Variants in TPSG1 observed in about 807,000 individuals in gnomAD.
TPSG1 encodes the protein tryptase gamma 1.
Under a neutral mutation model 23.8 loss-of-function variants are expected in TPSG1, and 43 were observed. The ratio of observed to expected loss-of-function variants is 1.81; its 90% CI spans 1.42 to 2.33. The LOEUF is 2.33. Ranked by LOEUF, TPSG1 falls within the 30% of genes most tolerant of loss-of-function variation. The probability of loss-of-function intolerance (pLI) is 0.00; values close to 1 mark genes in which losing one functional copy is unlikely to be tolerated. For missense variants in TPSG1, 623 were observed against 438.6 expected (o/e 1.42, Z -3.75); for synonymous variants, 302 against 201.3 (o/e 1.50, Z -4.23).
chr16:1,222,489 G>T, intron 4 of TPSG1, 148 bp from the exon 5 acceptor site: 1 of 1,267,422 alleles, frequency 7.9e-7, no homozygotes, highest in Non-Finnish European at 1.1e-6. Flanking sequence ...CTGCTGCTTT[G>T]GATCCACACG....
rs376240221 is a variant in TPSG1, at chr16:1,225,216, C to T, written c.37G>A (p.Ala13Thr). The part of the protein sequence containing the change: ...LGACGLLLLL[A>T]VPGVSLRTLQ... ...AGGCCAGGTCACCCACCGGGCACAG[C>T]CAGGAGCAGCAGGAGGCCACAGGCC... The change falls in exon 1 of 6, where the codon GCT becomes ACT. Residue 13 changes from alanine (A) to threonine (T), a missense_variant. Ala to Thr is a moderately conservative substitution (Grantham distance 58). Transcript: ENST00000234798. 6.3e-7 allele frequency: 1 copy of T among 1,578,548 alleles called. No individual in the cohort carries two copies. Among genetic ancestry groups the T allele is most frequent in the Non-Finnish European group, 8.6e-7 (1 of 1,162,540 alleles).
At chr16:1,223,667 C>G (rs965129833) in intron 2 of TPSG1, 73 bp from the exon 3 acceptor site, 1 of 1,473,124 alleles carries the variant, frequency 6.8e-7, no homozygotes, top group Non-Finnish European at 9.0e-7. Context: ...TGAAGCCTTC[C>G]CTGACCACAC....
rs1004449397 is a variant in TPSG1 at position 1,221,655 on chromosome 16, T to G, written c.*133A>C. The G allele has an allele frequency of 7.9e-6, 8 of 1,008,066 alleles. No homozygotes were observed. The highest frequency in any genetic ancestry group is 1.6e-5 in the African/African-American group (1 of 61,318). The allele number at this position is 1,008,066 out of a possible 1,614,324, so 62.4% of individuals were successfully genotyped here. On this transcript the variant is annotated 3_prime_UTR_variant, in exon 6 of 6. Coordinates refer to ENST00000234798, the MANE Select transcript of TPSG1 (RefSeq NM_012467.4). Reference sequence around the variant, plus strand: ...CGCGAGATTCCCATTGACACCTTTGTTTCGTGTGCTTTTAAATTCAGGTTA... The same window carrying G: ...CGCGAGATTCCCATTGACACCTTTGGTTCGTGTGCTTTTAAATTCAGGTTA...
rs1192131690 is a variant in TPSG1, at chr16:1,225,263, C to T, written c.-11G>A. ...GGCCCCAAGGGCCATGGTGTCTGCC[C>T]ACTGTAGGGAGAAGGAGGGCCAGCC... On this transcript the variant is annotated 5_prime_UTR_variant, in exon 1 of 6. Transcript: ENST00000234798. 5 of 1,562,704 alleles carry T rather than the reference C, an allele frequency of 3.2e-6. No individual in the cohort carries two copies. The African/African-American group carries it at 6.8e-5, about 21-fold the overall frequency.
Position 1,222,054 on chromosome 16 carries a change from A to G in TPSG1, c.700T>C (p.Trp234Arg), listed in dbSNP as rs1970519137. 1 of 1,612,746 alleles carries G rather than the reference A, an allele frequency of 6.2e-7. No homozygotes were observed. Among genetic ancestry groups the G allele is most frequent in the Non-Finnish European group, 8.5e-7 (1 of 1,179,970 alleles). ...CAGCTCACAGTGCCAGCCTGCACCC[A>G]GGCACCGTTCACCTGGCAGACCAGA... The part of the protein sequence containing the change: ...GPLVCQVNGA[W>R]VQAGTVSWGE... Residue 234 changes from tryptophan (W) to arginine (R), a missense_variant, in exon 6 of 6, where the codon TGG becomes CGG. Physicochemically the swap from Trp to Arg is moderately radical, Grantham distance 101. Coordinates refer to ENST00000234798, the MANE Select transcript of TPSG1 (RefSeq NM_012467.4).
Position 1,222,307 on chromosome 16 carries a change from C to A in TPSG1, c.546G>T (p.Val182=), listed in dbSNP as rs777907072. Residue 182 remains valine, a synonymous_variant, in exon 5 of 6, where the codon GTG becomes GTT. Transcript: ENST00000234798. ...TCTCTGTGTCCACCACGGAGACTTT[C>A]ACCTCCCGCAGGCTGTACGGGGGTG... is the stretch of plus-strand genomic sequence containing the variant. The part of the protein sequence containing the change: ...PLPPPYSLRE[V]KVSVVDTETC... 2 of 1,609,826 alleles carry A rather than the reference C, an allele frequency of 1.2e-6. No individual in the cohort carries two copies. Among genetic ancestry groups the A allele is most frequent in the East Asian group, 4.5e-5 (2 of 44,798 alleles).
At chr16:1,223,169 T>C (rs546546094) in intron 3 of TPSG1, among the ~76,000 whole-genome samples, 7 of 152,206 alleles carry the variant, frequency 4.6e-5, no homozygotes, top group African/African-American at 1.4e-4. Flanking sequence ...AGGAGGCAGA[T>C]TGCAAGCTCA....
In TPSG1 at chr16:1,224,917, G is replaced by A. The variant is rs533710941; in HGVS notation, c.47-289C>T. On this transcript the variant is annotated intron_variant, in intron 1 of 5. Transcript: ENST00000234798. ...AGGAAAGAAATCACCAGTGTTCTAG[G>A]GCCTGGGACTCCTGGCACCCCCAAC... 273 of 592,024 alleles carry A rather than the reference G, an allele frequency of 4.6e-4. No individual in the cohort carries two copies. The African/African-American group carries it at 4.7e-3, about 10-fold the overall frequency. 36.7% of individuals were successfully genotyped at this position (592,024 alleles called of 1,614,324 possible).
In TPSG1 at chr16:1,221,887, G is replaced by T; in HGVS notation, c.867C>A (p.Phe289Leu). ...CTAGCAGAAGGAAGAGGCCGGGGAG[G>T]AAGAAGCCAGCCAGGAGGGGGAGCC... ...YPRLPLLAGF[F>L]LPGLFLLLVS... The change falls in exon 6 of 6, where the codon TTC (phenylalanine) becomes TTA (leucine). Residue 289 changes from phenylalanine (F) to leucine (L), a missense_variant. Phe to Leu is a conservative substitution (Grantham distance 22). Transcript: ENST00000234798. The T allele has an allele frequency of 6.2e-7, 1 of 1,611,866 alleles. No individual in the cohort carries two copies. The highest frequency in any genetic ancestry group is 8.5e-7 in the Non-Finnish European group (1 of 1,179,450).
In TPSG1 at chr16:1,222,851, G is replaced by T; in HGVS notation, c.312C>A (p.Phe104Leu). Reference protein sequence around the residue: ...GELEITLSPHFSTVRQIILHS... With the variant: ...GELEITLSPHLSTVRQIILHS... ...GCAGGATGATCTGCCTCACGGTGGA[G>T]AAGTGGGGAGACAGAGTGATCTCCA... The change falls in exon 4 of 6, where the codon TTC (phenylalanine) becomes TTA (leucine). Residue 104 changes from phenylalanine to leucine, a missense_variant. Coordinates refer to ENST00000234798, the MANE Select transcript of TPSG1 (RefSeq NM_012467.4). 1 of 1,611,084 alleles carries T rather than the reference G, an allele frequency of 6.2e-7. No individual in the cohort carries two copies. The highest frequency in any genetic ancestry group is 8.5e-7 in the Non-Finnish European group (1 of 1,179,368).
chr16:1,224,766 G>T, intron 1 of TPSG1, 138 bp from the exon 2 acceptor site: 2 of 1,068,476 alleles, frequency 1.9e-6, no homozygotes, highest in Non-Finnish European at 2.7e-6. Flanking sequence ...GCCTGGTGAG[G>T]CTGGGTCAAC....
At chr16:1,224,075 C>T (rs900123608) in intron 2 of TPSG1, 2 of 193,620 alleles carry the variant, frequency 1.0e-5, no homozygotes, top group Non-Finnish European at 2.1e-5. Flanking sequence ...GTAACTTTAT[C>T]TTCTGTAAAC....
Position 1,222,706 on chromosome 16 carries a change from AGTC to A in TPSG1, c.454_456del (p.Asp152del). ...ACCCAGCACCGGATCCCAGGGCAGA[AGTC>A]ATCTGAGGCCTCCGGGAGGCAGACG... On this transcript the variant is annotated inframe_deletion, in exon 4 of 6. Transcript: ENST00000234798. The A allele has an allele frequency of 6.2e-7, 1 of 1,604,132 alleles. No individual in the cohort carries two copies.
rs570916371 is a variant in TPSG1, at chr16:1,223,537, G to A, written c.131C>T (p.Ala44Val). The part of the protein sequence containing the change: ...AGGRIVGGHA[A>V]PAGAWPWQAS... ...CTGCCATGGCCATGCGCCGGCCGGG[G>A]CAGCGTGACCCCCCACGATCCGGCC... The change falls in exon 3 of 6, where the codon GCC becomes GTC. Residue 44 changes from alanine (A) to valine (V), a missense_variant. Physicochemically the swap from Ala to Val is moderately conservative, Grantham distance 64. Coordinates refer to ENST00000234798, the MANE Select transcript of TPSG1 (RefSeq NM_012467.4). The A allele has an allele frequency of 1.9e-6, 3 of 1,549,312 alleles. No individual in the cohort carries two copies. Among genetic ancestry groups the A allele is most frequent in the Non-Finnish European group, 2.6e-6 (3 of 1,149,338 alleles).
At position 1,221,767 on chromosome 16, in the gene TPSG1, A is replaced by AAT; in HGVS notation, c.*19_*20dup. 1 of 1,581,254 alleles carries AAT rather than the reference A, an allele frequency of 6.3e-7. No homozygotes were observed. Among genetic ancestry groups the AAT allele is most frequent in the Non-Finnish European group, 8.6e-7 (1 of 1,162,610 alleles). On this transcript the variant is annotated 3_prime_UTR_variant, in exon 6 of 6. Transcript: ENST00000234798. ...GGAATAAATAGTAACTTATTTAAGA[A>AAT]ATGCACTTGGATTCCTGCCATCAGT...
At chr16:1,222,400 G>C in intron 4 of TPSG1, 59 bp from the exon 5 acceptor site, 1 of 1,433,076 alleles carries the variant, frequency 7.0e-7, no homozygotes, top group Non-Finnish European at 9.5e-7. Context: ...GCACTGGGGG[G>C]ATGGGAGACC....
intron 2 of TPSG1, chr16:1,223,944 G>T: frequency 3.2e-6 from 1 of 314,470 alleles, no homozygotes; most frequent in Non-Finnish European, 5.8e-6. Flanking sequence ...TGGCTGCCTA[G>T]TGGGCCCCGG....
In TPSG1 at chr16:1,222,874, CCA is replaced by C; in HGVS notation, c.287_288del (p.Leu96ArgfsTer56). On this transcript the variant is annotated frameshift_variant, in exon 4 of 6. Coordinates refer to ENST00000234798, the MANE Select transcript of TPSG1 (RefSeq NM_012467.4). LOFTEE classifies it high-confidence loss of function. ...SSDYQVHLGE[L>X]EITLSPHFST... ...GAGAAGTGGGGAGACAGAGTGATCT[CCA>C]GTTCCCCCAGGTGCACCTGGTAGTC... The C allele has an allele frequency of 6.2e-7, 1 of 1,609,118 alleles. No homozygotes were observed.
chr16:1,222,259 G>A lies in TPSG1; in HGVS notation c.594C>T (p.Gly198=). ...DTETCRRDYP[G]PGGSILQPDM... is the part of the protein sequence containing the mutation. ...CGGGCTGAAGGATGCTGCCCCCGGG[G>A]CCGGGATAGTCCCGGCGGCAGGTCT... is the stretch of plus-strand genomic sequence containing the variant. The change falls in exon 5 of 6, where the codon GGC becomes GGT. Residue 198 remains glycine, a synonymous_variant. Transcript: ENST00000234798. 2 of 1,612,140 alleles carry A rather than the reference G, an allele frequency of 1.2e-6. No individual in the cohort carries two copies. Among genetic ancestry groups the A allele is most frequent in the East Asian group, 2.2e-5 (1 of 44,848 alleles).
Sources: gnomAD v4.1 joint callset for allele counts (sites outside exome capture counted in the v4.1 genomes callset) on GRCh38, gnomAD v4.1.1 for gene constraint, MANE v1.5 for transcripts, NCBI Gene and HGNC (gene_info 2026-07-23, HGNC 2026-07-21) for gene names.